NSUN2: variants seen among roughly 807,000 people sequenced by gnomAD.
NSUN2 encodes the protein RNA cytosine C(5)-methyltransferase NSUN2.
A neutral mutation model predicts 92.7 loss-of-function variants in NSUN2; 63 were observed. The observed-to-expected ratio is 0.68, with a 90% CI of 0.56 to 0.84. NSUN2 has a LOEUF of 0.84. NSUN2 is among the 40% of genes least tolerant of loss of function. The pLI, the probability that NSUN2 is intolerant of heterozygous loss-of-function variation, is 0.00. For missense variants in NSUN2, 989 were observed against 964.9 expected (o/e 1.02, Z -0.33); for synonymous variants, 356 against 348.3 (o/e 1.02, Z -0.25).
At chr5:6,613,667 G>A (rs906482666) in intron 9 of NSUN2, among the ~76,000 whole-genome samples, 43 of 152,242 alleles carry the variant, frequency 2.8e-4, no homozygotes, top group Admixed American at 5.2e-4. Flanking sequence ...TTAAAGGTAA[G>A]TATCTGAAAG....
At position 6,600,137 on chromosome 5, in the gene NSUN2, T is replaced by C. The variant is rs1736489678; in HGVS notation, c.2093A>G (p.Tyr698Cys). 6.2e-7 allele frequency: 1 copy of C among 1,614,212 alleles called. No homozygotes were observed. The highest frequency in any genetic ancestry group is 8.5e-7 in the Non-Finnish European group (1 of 1,180,014). ...TFVPKNERLH[Y>C]LRMMGLEVLG... Reference sequence around the variant, plus strand: ...TACCTCCAGCCCCATCATCCTGAGATAATGAAGCCGTTCATTCTTGGGCAC... The same window carrying C: ...TACCTCCAGCCCCATCATCCTGAGACAATGAAGCCGTTCATTCTTGGGCAC... The change falls in exon 19 of 19, where the codon TAT becomes TGT. Residue 698 changes from tyrosine (Y) to cysteine (C), a missense_variant. Physicochemically the swap from Tyr to Cys is radical, Grantham distance 194. Around this residue, in one of 3 missense-constraint regions of NSUN2, gnomAD observed 626 missense variants for 602.3 expected, o/e 1.04. Coordinates refer to ENST00000264670, the MANE Select transcript of NSUN2 (RefSeq NM_017755.6).
At chr5:6,620,038 T>C in intron 7 of NSUN2, 68 bp downstream of exon 7, 1 of 1,317,306 alleles carries the variant, frequency 7.6e-7, no homozygotes. Context: ...ATGCACAACT[T>C]CATTTTAGTC....
intron 15 of NSUN2, 88 bp from the exon 16 acceptor site, chr5:6,604,773 A>G (rs1446569477): frequency 4.6e-6 from 5 of 1,089,300 alleles, no homozygotes; most frequent in Non-Finnish European, 7.0e-6. Context: ...AGCAACCGTC[A>G]CGGAATGGGA....
At chr5:6,617,882 T>C (rs1284734424) in intron 8 of NSUN2, 68 bp downstream of exon 8, 3 of 1,250,070 alleles carry the variant, frequency 2.4e-6, no homozygotes, top group East Asian at 4.9e-5. Flanking sequence ...GGATGCTCAC[T>C]TGCATAACAA....
rs1166028362 is a variant in NSUN2, at chr5:6,606,921, G to A, written c.1509-9C>T. The A allele has an allele frequency of 1.3e-6, 2 of 1,494,190 alleles. No individual in the cohort carries two copies. The highest frequency in any genetic ancestry group is 1.9e-6 in the Non-Finnish European group (2 of 1,074,886). The allele number at this position is 1,494,190 out of a possible 1,614,324, so 92.6% of individuals were successfully genotyped here. On this transcript the variant is annotated splice_polypyrimidine_tract_variant and intron_variant, in intron 13 of 18. Transcript: ENST00000264670. ...TCTTTGATGGAGGAGGACTAAAAAGGGAATCAGGATGAGACAAATCAATCT... is the reference window on the plus strand; with the variant it reads ...TCTTTGATGGAGGAGGACTAAAAAGAGAATCAGGATGAGACAAATCAATCT...
rs1232717247 is a variant in NSUN2 at position 6,611,162 on chromosome 5, T to C, written c.1096-77A>G. ...AAAAATCACAGGGCAGGAGTATCCATTCTCTCAAAGGTGACAAATGGTGAT... is the reference window on the plus strand; with the variant it reads ...AAAAATCACAGGGCAGGAGTATCCACTCTCTCAAAGGTGACAAATGGTGAT... On this transcript the variant is annotated intron_variant, in intron 10 of 18. Transcript: ENST00000264670. 12 of 1,524,828 alleles carry C rather than the reference T, an allele frequency of 7.9e-6. No homozygotes were observed. In the South Asian group the frequency reaches 1.2e-4, roughly 15 times the overall value. The allele number at this position is 1,524,828 out of a possible 1,614,324, so 94.5% of individuals were successfully genotyped here. A position where few individuals can be genotyped will look rare whatever the true frequency, so the allele number is the denominator to read the frequency against.
chr5:6,604,197 T>G lies in NSUN2; in HGVS notation c.1898A>C (p.Gln633Pro). ...GAGTTTTCTAAAAAAGGGATTTTCC[T>G]GGGTCAACAGTATCTTAACATCTTC... ...SMEDVKILLT[Q>P]ENPFFRKLSS... The change falls in exon 17 of 19, where the codon CAG becomes CCG. Residue 633 changes from glutamine (Q) to proline (P), a missense_variant. Around this residue, in one of 3 missense-constraint regions of NSUN2, gnomAD observed 626 missense variants for 602.3 expected, o/e 1.04. Transcript: ENST00000264670. 6.2e-7 allele frequency: 1 copy of G among 1,613,832 alleles called. No homozygotes were observed.
chr5:6,602,386 C>G, intron 18 of NSUN2, 75 bp downstream of exon 18: 1 of 1,461,128 alleles, frequency 6.8e-7, no homozygotes, highest in South Asian at 1.1e-5. Context: ...TCCCAAGTCA[C>G]TTTCCTCACC....
chr5:6,611,066 T>A lies in NSUN2; in HGVS notation c.1115A>T (p.Gln372Leu). The A allele has an allele frequency of 6.2e-7, 1 of 1,614,172 alleles. No homozygotes were observed. The highest frequency in any genetic ancestry group is 8.5e-7 in the Non-Finnish European group (1 of 1,180,024). The stretch of plus-strand genomic sequence containing the variant: ...AACAGCGTCCCAGTCTGTAAACCAC[T>A]GCCCATCTTTCGTCATTACCTGCAG... ...TQWKVMTKDG[Q>L]WFTDWDAVPH... is the part of the protein sequence containing the mutation. Residue 372 changes from glutamine (Q) to leucine (L), a missense_variant, in exon 11 of 19, where the codon CAG becomes CTG. Around this residue, in one of 3 missense-constraint regions of NSUN2, gnomAD observed 626 missense variants for 602.3 expected, o/e 1.04. Transcript: ENST00000264670.
rs2126496097 is a variant in NSUN2, at chr5:6,620,174, G to C, written c.747C>G (p.Leu249=). ...VNHDASSIPR[L]QIDVDGRKEI... ...CTTTCCTGCCGTCCACATCTATCTG[G>C]AGCCTGGGTATGCTGGAGGCATCAT... The change falls in exon 7 of 19, where the codon CTC becomes CTG. Residue 249 remains leucine, a synonymous_variant. Transcript: ENST00000264670. 6.2e-7 allele frequency: 1 copy of C among 1,612,922 alleles called. No individual in the cohort carries two copies. Among genetic ancestry groups the C allele is most frequent in the Non-Finnish European group, 8.5e-7 (1 of 1,179,588 alleles).
At position 6,599,956 on chromosome 5, in the gene NSUN2, A is replaced by G. The variant is rs1736478013; in HGVS notation, c.2274T>C (p.Cys758=). The change falls in exon 19 of 19, where the codon TGT becomes TGC. Residue 758 remains cysteine (C), a synonymous_variant. Coordinates refer to ENST00000264670, the MANE Select transcript of NSUN2 (RefSeq NM_017755.6). ...GGGGTGGATGGACCCCCGCCGGGTC[A>G]CAGCCTGCTGTCACGTCTGGACTGT... ...EANSPDVTAG[C]DPAGVHPPR 1.2e-6 allele frequency: 2 copies of G among 1,613,986 alleles called. No homozygotes were observed. The highest frequency in any genetic ancestry group is 8.5e-7 in the Non-Finnish European group (1 of 1,180,034).
intron 14 of NSUN2, among the ~76,000 whole-genome samples, chr5:6,606,106 T>C (rs1736758896): frequency 6.6e-6 from 1 of 152,230 alleles, no homozygotes; most frequent in South Asian, 2.1e-4. Flanking sequence ...GTCAGACTTG[T>C]CCTAAACCCT....
At chr5:6,602,359 G>A (rs1479292099) in intron 18 of NSUN2, 102 bp downstream of exon 18, 1 of 1,176,964 alleles carries the variant, frequency 8.5e-7, no homozygotes, top group Non-Finnish European at 1.3e-6. Context: ...CAAAAGGCCT[G>A]AAGAAGGTTC....
At chr5:6,630,888 A>G (rs1172303991) in intron 3 of NSUN2, among the ~76,000 whole-genome samples, 3 of 152,112 alleles carry the variant, frequency 2.0e-5, no homozygotes, top group Non-Finnish European at 4.4e-5. Context: ...AGGTCAGGAG[A>G]TGAGACCATC....
intron 14 of NSUN2, among the ~76,000 whole-genome samples, chr5:6,606,532 G>T (rs886919383): frequency 6.6e-6 from 1 of 152,000 alleles, no homozygotes; most frequent in Non-Finnish European, 1.5e-5. Context: ...TGCTCCGCCC[G>T]TCTCGGCCTC....
rs1341970264 is a variant in NSUN2, at chr5:6,602,450, T to C, written c.1997+11A>G. On this transcript the variant is annotated intron_variant, in intron 18 of 18. Transcript: ENST00000264670. ...CGTGTGTGTCTAAGGGCAGGGCGTGTACTGACTTACGCAGAATCTGGTTCA... is the reference window on the plus strand; with the variant it reads ...CGTGTGTGTCTAAGGGCAGGGCGTGCACTGACTTACGCAGAATCTGGTTCA... The C allele has an allele frequency of 1.9e-6, 3 of 1,613,390 alleles. No homozygotes were observed. Among genetic ancestry groups the C allele is most frequent in the Non-Finnish European group, 2.5e-6 (3 of 1,179,556 alleles).
At chr5:6,606,654 A>G (rs1736784598) in intron 14 of NSUN2, among the ~76,000 whole-genome samples, 166 bp downstream of exon 14, 1 of 151,226 alleles carries the variant, frequency 6.6e-6, no homozygotes, top group African/African-American at 2.4e-5. Context: ...AGATTGAGTA[A>G]CCTCTAAAGT....
At chr5:6,631,717 A>G (rs1737904654) in intron 3 of NSUN2, among the ~76,000 whole-genome samples, 156 bp downstream of exon 3, 2 of 152,266 alleles carry the variant, frequency 1.3e-5, no homozygotes, top group Admixed American at 1.3e-4. Context: ...GCGTAGCAAT[A>G]TAATGTTGAT....
chr5:6,611,448 T>TAAAAAAAAAAAAAAA (rs760872450), intron 10 of NSUN2, among the ~76,000 whole-genome samples: 5,961 of 84,246 alleles, frequency 0.071, 804 homozygotes, highest in Middle Eastern at 0.11. Flanking sequence ...CGGCCCAATT[T>TAAAAAAAAAAAAAAA]AAAAAAAAAA....
Sources: gnomAD v4.1 joint callset for allele counts (sites outside exome capture counted in the v4.1 genomes callset) on GRCh38, gnomAD v4.1.1 for gene constraint, gnomAD v4.1.1 regional missense constraint, MANE v1.5 for transcripts, NCBI Gene and HGNC (gene_info 2026-07-23, HGNC 2026-07-21) for gene names.